CSMD1: variants seen among roughly 807,000 people sequenced by gnomAD.
The protein encoded by CSMD1 is CUB and sushi domain-containing protein 1.
CSMD1 carries 213 observed loss-of-function variants against 417.5 expected under a neutral mutation model. That is an observed-to-expected ratio of 0.51 (90% CI 0.46 to 0.57). The LOEUF (loss-of-function observed/expected upper bound fraction) is 0.57. Among genes scored for constraint, CSMD1 ranks in the 20% least tolerant of loss-of-function variants. The pLI is 0.00. For synonymous variants in CSMD1, 2,862 were observed against 1,736.8 expected (o/e 1.65, Z -16.11); for missense variants, 6,923 against 4,529.7 (o/e 1.53, Z -15.17).
chr8:4,360,212 G>C (rs1801672089), intron 3 of CSMD1, among the ~76,000 whole-genome samples: 1 of 152,070 alleles, frequency 6.6e-6, no homozygotes, highest in South Asian at 2.1e-4. Context: ...CACCATTTTA[G>C]GGGGTAACCC....
chr8:3,792,454 G>A (rs147974997), intron 5 of CSMD1, among the ~76,000 whole-genome samples: 95 of 152,246 alleles, frequency 6.2e-4, no homozygotes, highest in African/African-American at 2.1e-3. Flanking sequence ...ACAAGATGAG[G>A]ACGGAGAGCT....
chr8:4,099,415 C>T (rs1394893344), intron 3 of CSMD1, among the ~76,000 whole-genome samples: 1 of 152,090 alleles, frequency 6.6e-6, no homozygotes, highest in Non-Finnish European at 1.5e-5. Context: ...CTTTCTAAAG[C>T]CTTGCAATGC....
intron 4 of CSMD1, among the ~76,000 whole-genome samples, chr8:4,019,253 T>G (rs1042592804): frequency 1.3e-5 from 2 of 152,202 alleles, no homozygotes; most frequent in African/African-American, 4.8e-5. Flanking sequence ...GCACTCTCTC[T>G]TACAGACTAA....
chr8:4,451,542 G>C (rs184996081), intron 2 of CSMD1, among the ~76,000 whole-genome samples: 1 of 152,056 alleles, frequency 6.6e-6, no homozygotes, highest in African/African-American at 2.4e-5. Flanking sequence ...AGTGACTCTG[G>C]AAAGGTAAAG....
intron 3 of CSMD1, among the ~76,000 whole-genome samples, chr8:4,078,498 T>C (rs956827121): frequency 6.6e-6 from 1 of 151,764 alleles, no homozygotes; most frequent in Non-Finnish European, 1.5e-5. Flanking sequence ...TCTCCTGACC[T>C]TGTGATCTGC....
intron 1 of CSMD1, among the ~76,000 whole-genome samples, chr8:4,877,805 C>A (rs10096417): frequency 0.023 from 3,483 of 152,168 alleles, 143 homozygotes; most frequent in African/African-American, 0.079. Flanking sequence ...TGACTCAAAT[C>A]TTTTCACTAA....
intron 3 of CSMD1, among the ~76,000 whole-genome samples, chr8:4,039,518 T>A (rs1797780211): frequency 6.6e-6 from 1 of 152,194 alleles, no homozygotes; most frequent in Non-Finnish European, 1.5e-5. Context: ...GAGAAGGTGC[T>A]GACAAAGCAT....
intron 1 of CSMD1, among the ~76,000 whole-genome samples, chr8:4,766,387 G>A (rs540551506): frequency 3.9e-5 from 6 of 152,300 alleles, no homozygotes; most frequent in East Asian, 1.9e-4. Flanking sequence ...TGGATTGAAC[G>A]AGAACATCGT....
chr8:3,611,276 G>A (rs978371347), intron 8 of CSMD1, among the ~76,000 whole-genome samples: 37 of 151,784 alleles, frequency 2.4e-4, no homozygotes, highest in African/African-American at 8.0e-4. Flanking sequence ...GTCCTTGAGG[G>A]AGCAGGGAAA....
At position 4,388,289 on chromosome 8, in the gene CSMD1, TAAAG is replaced by T. The variant is rs1265352534; in HGVS notation, c.415+31660_415+31663del. Among the ~76,000 whole-genome samples the T allele has an allele frequency of 4.9e-5, 7 of 142,992 alleles. 1 individual carries two copies. The South Asian group carries it at 1.6e-3, about 32-fold the overall frequency. The allele number at this position is 142,992 out of a possible 152,430, so 93.8% of individuals were successfully genotyped here. A position where few individuals can be genotyped will look rare whatever the true frequency, so the allele number is the denominator to read the frequency against. ...CCCAAATATCCATCAAACAAGTGGA[TAAAG>T]AAACTGTGATACACACACACACACA... On this transcript the variant is annotated intron_variant, in intron 3 of 69. Transcript: ENST00000635120.
intron 1 of CSMD1, among the ~76,000 whole-genome samples, chr8:4,850,219 T>C (rs996862055): frequency 1.3e-5 from 2 of 152,154 alleles, no homozygotes; most frequent in African/African-American, 4.8e-5. Flanking sequence ...TTATCTGTCA[T>C]TTTATTACTG....
intron 52 of CSMD1, among the ~76,000 whole-genome samples, chr8:3,006,596 C>T (rs1449784241): frequency 6.6e-6 from 1 of 151,460 alleles, no homozygotes; most frequent in African/African-American, 2.4e-5. Flanking sequence ...TGGAACAGAA[C>T]AGAGCCCTCA....
intron 68 of CSMD1, among the ~76,000 whole-genome samples, chr8:2,944,036 T>A (rs1802059063): frequency 6.6e-6 from 1 of 152,212 alleles, no homozygotes; most frequent in South Asian, 2.1e-4. Context: ...TCAATAGATG[T>A]AGGATTATGA....
At chr8:3,439,896 A>G (rs1234187752) in intron 12 of CSMD1, among the ~76,000 whole-genome samples, 1 of 152,202 alleles carries the variant, frequency 6.6e-6, no homozygotes, top group Non-Finnish European at 1.5e-5. Context: ...TCCTGGAGCC[A>G]TTCACTGAAA....
rs544917958 is a variant in CSMD1 at position 4,138,815 on chromosome 8, T to G, written c.416-106716A>C. ...TGGCTTTCATTTAATGGTATTTTTT[T>G]GCCCCTGAGGCAAATTCTATAGAGA... is the stretch of plus-strand genomic sequence containing the variant. On this transcript the variant is annotated intron_variant, in intron 3 of 69. Coordinates refer to ENST00000635120, the MANE Select transcript of CSMD1 (RefSeq NM_033225.6). Among the ~76,000 whole-genome samples, 19 of 152,332 alleles carry G rather than the reference T, an allele frequency of 1.2e-4. No individual in the cohort carries two copies. In the South Asian group the frequency reaches 3.1e-3, roughly 25 times the overall value.
At chr8:4,666,678 G>C (rs1265148256) in intron 1 of CSMD1, among the ~76,000 whole-genome samples, 2 of 152,100 alleles carry the variant, frequency 1.3e-5, no homozygotes, top group East Asian at 1.9e-4. Context: ...ATTAAACAAA[G>C]TGTCCAAATA....
chr8:3,155,198 G>A (rs766344753), intron 39 of CSMD1, among the ~76,000 whole-genome samples: 1 of 151,852 alleles, frequency 6.6e-6, no homozygotes, highest in Non-Finnish European at 1.5e-5. Flanking sequence ...GCTTAGAATT[G>A]ATTTCATTGT....
At chr8:4,895,537 G>C (rs561480710) in intron 1 of CSMD1, among the ~76,000 whole-genome samples, 2 of 151,640 alleles carry the variant, frequency 1.3e-5, no homozygotes, top group African/African-American at 2.4e-5. Context: ...AAAAGTCAAG[G>C]AGTGTTTTTA....
At chr8:4,381,763 TTTTG>T (rs1803120979) in intron 3 of CSMD1, among the ~76,000 whole-genome samples, 2 of 152,116 alleles carry the variant, frequency 1.3e-5, no homozygotes, top group Non-Finnish European at 2.9e-5. Flanking sequence ...TTTGTTTTGT[TTTTG>T]TTTTTTTCCT....
Sources: allele counts gnomAD v4.1 joint callset (sites outside exome capture counted in the v4.1 genomes callset), GRCh38; gene constraint gnomAD v4.1.1; transcripts MANE v1.5; gene names NCBI Gene and HGNC (gene_info 2026-07-23, HGNC 2026-07-21).